ROBO2: variants seen among roughly 807,000 people sequenced by gnomAD.
ROBO2 encodes roundabout homolog 2.
A neutral mutation model predicts 160.8 loss-of-function variants in ROBO2; 53 were observed. The observed-to-expected ratio is 0.33, with a 90% CI of 0.26 to 0.41. The LOEUF (loss-of-function observed/expected upper bound fraction) is 0.41, where lower values mean the gene tolerates loss of function less well. Ranked by LOEUF, ROBO2 falls within the 10% of genes least tolerant of loss-of-function variation. ROBO2 has a pLI of 1.00. For synonymous variants in ROBO2, 664 were observed against 611.7 expected (o/e 1.09, Z -1.26); for missense variants, 1,577 against 1,722.4 (o/e 0.92, Z 1.49).
chr3:77,220,003 T>C (rs2085566539), intron 2 of ROBO2, among the ~76,000 whole-genome samples: 1 of 151,790 alleles, frequency 6.6e-6, no homozygotes, highest in African/African-American at 2.4e-5. Context: ...AATAGTTCTG[T>C]TTTTTTGTTT....
chr3:76,796,849 T>G (rs1382162637), intron 2 of ROBO2, among the ~76,000 whole-genome samples: 3 of 151,694 alleles, frequency 2.0e-5, no homozygotes, highest in Non-Finnish European at 4.4e-5. Context: ...GTAAAAGGAA[T>G]CAAGCCCCTT....
intron 2 of ROBO2, among the ~76,000 whole-genome samples, chr3:77,121,898 A>G (rs1284449987): frequency 6.6e-6 from 1 of 152,152 alleles, no homozygotes; most frequent in Non-Finnish European, 1.5e-5. Flanking sequence ...ACTGCAAGCC[A>G]CTGATATTTA....
chr3:76,197,703 A>G (rs1376038171), intron 2 of ROBO2, among the ~76,000 whole-genome samples: 2 of 152,164 alleles, frequency 1.3e-5, no homozygotes, highest in Admixed American at 1.3e-4. Flanking sequence ...TCTGTCCTAC[A>G]TGTGAGGAAA....
At chr3:76,420,844 ATT>A (rs1183816998) in intron 2 of ROBO2, among the ~76,000 whole-genome samples, 1 of 152,198 alleles carries the variant, frequency 6.6e-6, no homozygotes, top group Admixed American at 6.5e-5. Flanking sequence ...AATTGGAAGT[ATT>A]TTGTGTCTCC....
At chr3:77,521,237 T>G (rs2090562902) in intron 5 of ROBO2, among the ~76,000 whole-genome samples, 1 of 151,174 alleles carries the variant, frequency 6.6e-6, no homozygotes, top group South Asian at 2.1e-4. Flanking sequence ...TACAAGCACA[T>G]TAAGAGGCCA....
intron 2 of ROBO2, among the ~76,000 whole-genome samples, chr3:77,267,011 G>T (rs1435032874): frequency 6.6e-6 from 1 of 152,064 alleles, no homozygotes; most frequent in South Asian, 2.1e-4. Flanking sequence ...TTTACTTCTT[G>T]TGGGTTATCG....
intron 2 of ROBO2, among the ~76,000 whole-genome samples, chr3:76,069,480 A>G (rs2068371942): frequency 6.6e-6 from 1 of 150,546 alleles, no homozygotes; most frequent in African/African-American, 2.4e-5. Flanking sequence ...TTAGTTTCCT[A>G]TTTGCATCTA....
intron 1 of ROBO2, among the ~76,000 whole-genome samples, chr3:75,916,811 T>C (rs1946829182): frequency 1.9e-5 from 1 of 53,896 alleles, no homozygotes; most frequent in Non-Finnish European, 3.6e-5. Flanking sequence ...AAATTCTCTT[T>C]AGTTCTTAGC....
At chr3:76,423,029 T>C (rs2076059102) in intron 2 of ROBO2, among the ~76,000 whole-genome samples, 1 of 152,158 alleles carries the variant, frequency 6.6e-6, no homozygotes, top group Admixed American at 6.5e-5. Flanking sequence ...GAGAGGAGTT[T>C]GTCCTTTGAA....
In ROBO2 at chr3:76,536,169, C is replaced by T. The variant is rs117016711; in HGVS notation, c.110-561845C>T. ...GCCTGGAGGCTGTGGTTTGGTTGTT[C>T]TGAAGTTTTTCTGTGCTGAAGGCGT... is the stretch of plus-strand genomic sequence containing the variant. On this transcript the variant is annotated intron_variant, in intron 2 of 26. Coordinates refer to the ROBO2 transcript ENST00000487694. Among the ~76,000 whole-genome samples, 77 of 152,258 alleles carry T rather than the reference C, an allele frequency of 5.1e-4. No individual in the cohort carries two copies. The East Asian group carries it at 0.011, about 21-fold the overall frequency.
At chr3:76,161,327 G>A (rs1402985105) in intron 2 of ROBO2, among the ~76,000 whole-genome samples, 3 of 152,066 alleles carry the variant, frequency 2.0e-5, no homozygotes, top group Admixed American at 6.6e-5. Flanking sequence ...GTTTATTCTC[G>A]AGCTATTTTT....
intron 24 of ROBO2, 76 bp from the exon 27 acceptor site, chr3:77,644,628 T>C (rs946033883): frequency 7.9e-7 from 1 of 1,271,524 alleles, no homozygotes; most frequent in Non-Finnish European, 1.1e-6. Context: ...ATTCACAGTG[T>C]TATATTCAAG....
intron 2 of ROBO2, among the ~76,000 whole-genome samples, chr3:76,032,834 AT>A (rs2066971901): frequency 6.6e-6 from 1 of 152,204 alleles, no homozygotes; most frequent in Admixed American, 6.5e-5. Context: ...AAAATTACGT[AT>A]TGAGTGGTCC....
intron 2 of ROBO2, among the ~76,000 whole-genome samples, chr3:77,372,811 G>T (rs2071973394): frequency 2.0e-5 from 3 of 151,966 alleles, no homozygotes; most frequent in African/African-American, 7.2e-5. Flanking sequence ...AGGATGATTG[G>T]CAGGGATTAA....
chr3:76,351,771 T>G (rs1415771321), intron 2 of ROBO2, among the ~76,000 whole-genome samples: 1 of 151,948 alleles, frequency 6.6e-6, no homozygotes, highest in African/African-American at 2.4e-5. Context: ...TGGGTTTAAT[T>G]TCCACATCTA....
intron 2 of ROBO2, among the ~76,000 whole-genome samples, chr3:76,864,389 T>A (rs1004649325): frequency 6.6e-6 from 1 of 152,124 alleles, no homozygotes; most frequent in Non-Finnish European, 1.5e-5. Flanking sequence ...CTTCCTTCAC[T>A]TCATCTTGAT....
chr3:77,005,211 C>T (rs896473177), intron 2 of ROBO2, among the ~76,000 whole-genome samples: 15 of 152,158 alleles, frequency 9.9e-5, no homozygotes, highest in African/African-American at 3.6e-4. Flanking sequence ...TGGCCGCCGC[C>T]TTGCTGTGGT....
At chr3:76,783,351 T>G (rs917349770) in intron 2 of ROBO2, among the ~76,000 whole-genome samples, 4 of 150,936 alleles carry the variant, frequency 2.7e-5, no homozygotes, top group Non-Finnish European at 5.9e-5. Context: ...TATTTTTCCC[T>G]TAACCGTTGC....
At chr3:77,632,441 T>C in intron 23 of ROBO2, 1 of 1,485,100 alleles carries the variant, frequency 6.7e-7, no homozygotes. Context: ...TTTCAATATA[T>C]ACAACTCACT....
Sources: gnomAD v4.1 joint callset for allele counts (sites outside exome capture counted in the v4.1 genomes callset) on GRCh38, gnomAD v4.1.1 for gene constraint, MANE v1.5 for transcripts, NCBI Gene and HGNC (gene_info 2026-07-23, HGNC 2026-07-21) for gene names.